The following NUP133 variants were observed in gnomAD, a reference collection of about 807,000 sequenced individuals.
NUP133 encodes nucleoporin 133.
NUP133 carries 66 observed loss-of-function variants against 146.2 expected under a neutral mutation model. The observed-to-expected ratio is 0.45, with a 90% CI of 0.37 to 0.55. The LOEUF (loss-of-function observed/expected upper bound fraction) is 0.55. Ranked by LOEUF, NUP133 falls within the 20% of genes least tolerant of loss-of-function variation. NUP133 has a pLI of 0.00. For missense variants in NUP133, 1,277 were observed against 1,374.8 expected (o/e 0.93, Z 1.12); for synonymous variants, 521 against 498.8 (o/e 1.04, Z -0.59).
At chr1:229,489,267 T>C (rs1020927049) in intron 9 of NUP133, among the ~76,000 whole-genome samples, 11 of 152,180 alleles carry the variant, frequency 7.2e-5, no homozygotes, top group Non-Finnish European at 1.6e-4. Context: ...GTGATCTTCC[T>C]GCCTCGGCCT....
intron 22 of NUP133, 199 bp from the exon 23 acceptor site, chr1:229,450,804 A>C: frequency 3.7e-6 from 1 of 271,878 alleles, no homozygotes; most frequent in Non-Finnish European, 7.0e-6. Flanking sequence ...CAGCTCACTG[A>C]AACTTCTGCC....
At chr1:229,449,293 A>G in intron 23 of NUP133, 103 bp from the exon 24 acceptor site, 1 of 669,872 alleles carries the variant, frequency 1.5e-6, no homozygotes, top group Non-Finnish European at 2.5e-6. Flanking sequence ...AAGCCAATTA[A>G]TATCTATGAA....
chr1:229,449,135 T>C lies in NUP133; in HGVS notation c.3236A>G (p.Gln1079Arg). 6.2e-7 allele frequency: 1 copy of C among 1,612,342 alleles called. No individual in the cohort carries two copies. The highest frequency in any genetic ancestry group is 2.2e-5 in the East Asian group (1 of 44,878). Residue 1079 changes from glutamine (Q) to arginine (R), a missense_variant, in exon 24 of 26, where the codon CAG becomes CGG. Gln to Arg is a conservative substitution (Grantham distance 43). Around this residue, in one of 3 missense-constraint regions of NUP133, gnomAD observed 952 missense variants for 1,047.0 expected, o/e 0.91. Coordinates refer to ENST00000261396, the MANE Select transcript of NUP133 (RefSeq NM_018230.3). Reference protein sequence around the residue: ...LKLEILCKALQRDNWSSSDGK... With the variant: ...LKLEILCKALRRDNWSSSDGK... ...TGCCACGAGCACTTACTTATCTCTCTGAAGAGCTTTGCAAAGGATTTCCAG... is the reference window on the plus strand; with the variant it reads ...TGCCACGAGCACTTACTTATCTCTCCGAAGAGCTTTGCAAAGGATTTCCAG...
chr1:229,480,301 C>T (rs1661177972), intron 12 of NUP133, among the ~76,000 whole-genome samples: 1 of 152,104 alleles, frequency 6.6e-6, no homozygotes, highest in Admixed American at 6.5e-5. Context: ...GAACAGGAGA[C>T]ACAGCTGACT....
intron 17 of NUP133, among the ~76,000 whole-genome samples, 173 bp downstream of exon 17, chr1:229,465,247 C>T (rs559358931): frequency 4.6e-5 from 7 of 152,184 alleles, no homozygotes; most frequent in African/African-American, 9.6e-5. Flanking sequence ...ATAGAGAGAT[C>T]GATAAATAAG....
chr1:229,489,310 T>C (rs953581041), intron 9 of NUP133, among the ~76,000 whole-genome samples: 2 of 152,182 alleles, frequency 1.3e-5, no homozygotes, highest in Non-Finnish European at 2.9e-5. Flanking sequence ...CATGTACTCA[T>C]CATGCCCAGC....
chr1:229,486,498 C>T lies in NUP133; in HGVS notation c.1373G>A (p.Gly458Asp), dbSNP rs1661351453. 3.7e-6 allele frequency: 6 copies of T among 1,609,670 alleles called. No homozygotes were observed. Among genetic ancestry groups the T allele is most frequent in the Non-Finnish European group, 5.1e-6 (6 of 1,178,754 alleles). Residue 458 changes from glycine (G) to aspartate (D), a missense_variant, in exon 11 of 26, where the codon GGT (glycine) becomes GAT (aspartate). Physicochemically the swap from Gly to Asp is moderately conservative, Grantham distance 94 (BLOSUM62 -1). Around this residue, in one of 3 missense-constraint regions of NUP133, gnomAD observed 952 missense variants for 1,047.0 expected, o/e 0.91. Coordinates refer to ENST00000261396, the MANE Select transcript of NUP133 (RefSeq NM_018230.3). ...TCTAGAAAAAATGATAGGAACACCA[C>T]CACAGGCACCAGCACCTAAAACACT... ...GDSVLGAGAC[G>D]GVPIIFSRNS...
intron 2 of NUP133, among the ~76,000 whole-genome samples, chr1:229,503,693 T>A (rs1032097256): frequency 1.3e-5 from 2 of 152,328 alleles, no homozygotes; most frequent in East Asian, 3.9e-4. Context: ...AACTGAACTA[T>A]CTGCTCAGTA....
chr1:229,443,442 T>C (rs1655442013), intron 25 of NUP133, among the ~76,000 whole-genome samples: 1 of 152,196 alleles, frequency 6.6e-6, no homozygotes, highest in Non-Finnish European at 1.5e-5. Flanking sequence ...GTTCTGTATG[T>C]ATAATGTATT....
At chr1:229,499,178 G>T (rs774353950) in intron 5 of NUP133, 3 of 470,116 alleles carry the variant, frequency 6.4e-6, no homozygotes, top group Admixed American at 4.7e-5. Flanking sequence ...GAGACTGCAC[G>T]CATGAGCCAC....
chr1:229,454,889 C>T (rs1304582113), intron 21 of NUP133, among the ~76,000 whole-genome samples: 1 of 152,100 alleles, frequency 6.6e-6, no homozygotes, highest in African/African-American at 2.4e-5. Flanking sequence ...GGAAGATTAT[C>T]CCAAACAGTA....
intron 3 of NUP133, 94 bp downstream of exon 3, chr1:229,501,905 C>G (rs1661809973): frequency 1.2e-6 from 1 of 855,984 alleles, no homozygotes; most frequent in African/African-American, 1.7e-5. Context: ...TTCCTATTGA[C>G]TATCCTCCAA....
Position 229,466,728 on chromosome 1 carries a change from C to A in NUP133, c.2105G>T (p.Cys702Phe). 1 of 1,613,970 alleles carries A rather than the reference C, an allele frequency of 6.2e-7. No homozygotes were observed. The highest frequency in any genetic ancestry group is 1.1e-5 in the South Asian group (1 of 91,068). ...GACTTGCTCCTCATGCTCCAGTAAG[C>A]ACTCACAGATGGTATCTACTTGGGA... ...EVSQVDTICE[C>F]LLEHEEQVLR... Residue 702 changes from cysteine (C) to phenylalanine (F), a missense_variant, in exon 16 of 26, where the codon TGC becomes TTC. Coordinates refer to ENST00000261396, the MANE Select transcript of NUP133 (RefSeq NM_018230.3).
At chr1:229,467,923 C>CAAA (rs1368540952) in intron 15 of NUP133, among the ~76,000 whole-genome samples, 294 of 71,028 alleles carry the variant, frequency 4.1e-3, no homozygotes, top group African/African-American at 0.013. Context: ...GACTCAGTCT[C>CAAA]AAAAAAAAAA....
At chr1:229,502,435 T>TGTA (rs548988586) in intron 2 of NUP133, among the ~76,000 whole-genome samples, 211 of 151,780 alleles carry the variant, frequency 1.4e-3, no homozygotes, top group Non-Finnish European at 2.6e-3. Context: ...GGCACGTGCC[T>TGTA]GTAGTCCCAG....
At chr1:229,463,710 G>A (rs751134142) in intron 18 of NUP133, 34 bp from the exon 19 acceptor site, 68 of 1,558,634 alleles carry the variant, frequency 4.4e-5, no homozygotes, top group Non-Finnish European at 5.7e-5. Flanking sequence ...AAAAAATCCT[G>A]TTAGCAAAAC....
intron 13 of NUP133, among the ~76,000 whole-genome samples, chr1:229,476,500 C>T (rs1336307892): frequency 6.6e-6 from 1 of 152,216 alleles, no homozygotes; most frequent in Non-Finnish European, 1.5e-5. Flanking sequence ...GAGGGGCAGT[C>T]ACCTGGGACA....
At chr1:229,491,227 G>C (rs1350390129) in intron 8 of NUP133, among the ~76,000 whole-genome samples, 1 of 152,184 alleles carries the variant, frequency 6.6e-6, no homozygotes, top group African/African-American at 2.4e-5. Context: ...TTGCAGTAAA[G>C]ACTACATGGC....
Position 229,441,224 on chromosome 1 carries a change from A to C in NUP133, c.*680T>G. On this transcript the variant is annotated 3_prime_UTR_variant, in exon 26 of 26. Transcript: ENST00000261396. The stretch of plus-strand genomic sequence containing the variant: ...GAGGCTGGCTGAATCCCCACACTGA[A>C]AGATTAGAACTAAACATCAACAGTA... 1 of 328,410 alleles carries C rather than the reference A, an allele frequency of 3.0e-6. No homozygotes were observed. The highest frequency in any genetic ancestry group is 6.0e-6 in the Non-Finnish European group (1 of 165,310). The allele number at this position is 328,410 out of a possible 1,614,324, so 20.3% of individuals were successfully genotyped here. A position where few individuals can be genotyped will look rare whatever the true frequency, so the allele number is the denominator to read the frequency against.
Sources: allele counts gnomAD v4.1 joint callset (sites outside exome capture counted in the v4.1 genomes callset), GRCh38; gene constraint gnomAD v4.1.1; regional missense constraint gnomAD v4.1.1; transcripts MANE v1.5; gene names NCBI Gene and HGNC (gene_info 2026-07-23, HGNC 2026-07-21).